MOB3B: variants seen among roughly 807,000 people sequenced by gnomAD.
The protein encoded by MOB3B is MOB kinase activator-like 2B.
Under a neutral mutation model 18.7 loss-of-function variants are expected in MOB3B, and 7 were observed. The ratio of observed to expected loss-of-function variants is 0.37; its 90% CI spans 0.21 to 0.70. The LOEUF (loss-of-function observed/expected upper bound fraction) is 0.70, where lower values mean the gene tolerates loss of function less well. MOB3B is among the 30% of genes least tolerant of loss of function. The pLI is 0.52. For missense variants in MOB3B, 253 were observed against 281.3 expected, an observed-to-expected ratio of 0.90 and a Z score of 0.72; for synonymous variants, 111 against 99.9, an observed-to-expected ratio of 1.11 and a Z score of -0.66.
At chr9:27,378,150 G>A (rs1005554576) in intron 2 of MOB3B, 2 of 350,574 alleles carry the variant, frequency 5.7e-6, no homozygotes, top group Non-Finnish European at 1.1e-5. Context: ...AAGACACATA[G>A]CTAGTAATAA....
At chr9:27,505,181 C>T (rs571400213) in intron 1 of MOB3B, among the ~76,000 whole-genome samples, 2 of 152,198 alleles carry the variant, frequency 1.3e-5, no homozygotes, top group African/African-American at 4.8e-5. Flanking sequence ...CCTACCATAC[C>T]GCATCATGTT....
intron 2 of MOB3B, among the ~76,000 whole-genome samples, chr9:27,380,625 CG>C (rs1371615144): frequency 6.6e-6 from 1 of 152,124 alleles, no homozygotes; most frequent in Non-Finnish European, 1.5e-5. Flanking sequence ...CTCTCATTAA[CG>C]ATGACTCTGG....
intron 2 of MOB3B, among the ~76,000 whole-genome samples, chr9:27,409,150 T>C (rs1179061799): frequency 1.3e-5 from 2 of 152,210 alleles, no homozygotes; most frequent in South Asian, 4.1e-4. Context: ...CTGGAATCCG[T>C]CCATTCAACA....
At chr9:27,514,345 C>CAAAAAAAAAAAAAAAAAA (rs34526085) in intron 1 of MOB3B, among the ~76,000 whole-genome samples, 2 of 77,638 alleles carry the variant, frequency 2.6e-5, no homozygotes, top group Non-Finnish European at 4.9e-5. Context: ...ACCACAAGCT[C>CAAAAAAAAAAAAAAAAAA]AAAAAAAAAA....
At chr9:27,489,739 A>AACTTTTTTTTTTTT in intron 1 of MOB3B, among the ~76,000 whole-genome samples, 1 of 10,084 alleles carries the variant, frequency 9.9e-5, no homozygotes, top group Middle Eastern at 0.033. Flanking sequence ...TAAGGAAATA[A>AACTTTTTTTTTTTT]TCTTTTTTTT....
rs146766327 is a variant in MOB3B at position 27,454,730 on chromosome 9, T to G, written c.418+403A>C. On this transcript the variant is annotated intron_variant, in intron 2 of 3. Coordinates refer to ENST00000262244, the MANE Select transcript of MOB3B (RefSeq NM_024761.5). ...TTTGATCCCCAAACAAATCTATGAA[T>G]TCTCACACTGGAATTTCTTAATCCT... 2.0e-5 allele frequency among the ~76,000 whole-genome samples: 3 copies of G among 152,356 alleles called. No homozygotes were observed. The East Asian group carries it at 5.8e-4, about 29-fold the overall frequency.
chr9:27,486,010 T>C (rs1206096890), intron 1 of MOB3B, among the ~76,000 whole-genome samples: 2 of 152,250 alleles, frequency 1.3e-5, no homozygotes, highest in Non-Finnish European at 2.9e-5. Flanking sequence ...ATGAAAGATA[T>C]AACTCTTCTC....
intron 2 of MOB3B, 147 bp from the exon 3 acceptor site, chr9:27,359,383 G>GC (rs1413086387): frequency 8.0e-6 from 5 of 623,040 alleles, no homozygotes; most frequent in Admixed American, 3.0e-5. Flanking sequence ...GTGTGTGGGG[G>GC]GGGGGGGTTG....
At chr9:27,435,251 A>G (rs979237612) in intron 2 of MOB3B, among the ~76,000 whole-genome samples, 1 of 152,054 alleles carries the variant, frequency 6.6e-6, no homozygotes, top group Non-Finnish European at 1.5e-5. Context: ...TATGGCACAA[A>G]CCTGAGGTTT....
intron 1 of MOB3B, among the ~76,000 whole-genome samples, chr9:27,521,688 A>ATGTGTG (rs112921711): frequency 6.7e-6 from 1 of 149,818 alleles, no homozygotes; most frequent in East Asian, 1.9e-4. Context: ...ACTTTATAGA[A>ATGTGTG]TGTGTGTGTG....
intron 2 of MOB3B, among the ~76,000 whole-genome samples, chr9:27,381,767 C>T (rs552633605): frequency 1.1e-4 from 17 of 152,138 alleles, no homozygotes; most frequent in Non-Finnish European, 1.9e-4. Context: ...CTGCCTCAGC[C>T]TCTTGAGTAG....
intron 2 of MOB3B, among the ~76,000 whole-genome samples, chr9:27,385,521 T>C (rs1194360853): frequency 1.3e-5 from 2 of 152,170 alleles, no homozygotes; most frequent in Admixed American, 1.3e-4. Context: ...ACCTGCCCTC[T>C]CTCTCACTCT....
At chr9:27,355,394 T>G (rs576955927) in intron 3 of MOB3B, among the ~76,000 whole-genome samples, 2 of 152,292 alleles carry the variant, frequency 1.3e-5, no homozygotes, top group Non-Finnish European at 2.9e-5. Context: ...ATGCTGCCCT[T>G]CTGGCCCCAG....
At chr9:27,382,581 G>A (rs905383473) in intron 2 of MOB3B, among the ~76,000 whole-genome samples, 5 of 152,108 alleles carry the variant, frequency 3.3e-5, no homozygotes, top group African/African-American at 9.7e-5. Context: ...AAACAGGTCC[G>A]TGGCTCCTAC....
intron 2 of MOB3B, among the ~76,000 whole-genome samples, chr9:27,372,534 T>G (rs1821438146): frequency 6.6e-6 from 1 of 152,218 alleles, no homozygotes; most frequent in Non-Finnish European, 1.5e-5. Flanking sequence ...AACATGACCT[T>G]GACCAAGTGA....
intron 2 of MOB3B, among the ~76,000 whole-genome samples, chr9:27,401,386 T>C (rs1821876005): frequency 6.6e-6 from 1 of 152,198 alleles, no homozygotes; most frequent in African/African-American, 2.4e-5. Flanking sequence ...AGGGCTCCTT[T>C]TGGGTGACAT....
At chr9:27,414,771 G>A (rs1479044317) in intron 2 of MOB3B, among the ~76,000 whole-genome samples, 3 of 152,184 alleles carry the variant, frequency 2.0e-5, no homozygotes, top group African/African-American at 4.8e-5. Flanking sequence ...GCTGCTTGTA[G>A]GAATTGCTGC....
At chr9:27,391,549 A>T (rs1192980261) in intron 2 of MOB3B, among the ~76,000 whole-genome samples, 1 of 152,262 alleles carries the variant, frequency 6.6e-6, no homozygotes, top group Admixed American at 6.5e-5. Context: ...GACATCAATT[A>T]TTAAACTATT....
chr9:27,390,254 A>AT lies in MOB3B; in HGVS notation c.419-31019dup, dbSNP rs1248708711. Among the ~76,000 whole-genome samples, 42 of 150,624 alleles carry AT rather than the reference A, an allele frequency of 2.8e-4. 1 individual carries two copies. Among genetic ancestry groups the AT allele is most frequent in the African/African-American group, 9.8e-4 (40 of 40,758 alleles). ...AGGTGTATGCCACCACGCCTGGCTA[A>AT]TTATATATATTTTTGAGACTGAGTC... On this transcript the variant is annotated intron_variant, in intron 2 of 3. Transcript: ENST00000262244.
Sources: gnomAD v4.1 joint callset for allele counts (sites outside exome capture counted in the v4.1 genomes callset) on GRCh38, gnomAD v4.1.1 for gene constraint, MANE v1.5 for transcripts, NCBI Gene and HGNC (gene_info 2026-07-23, HGNC 2026-07-21) for gene names.